PXT1: variants seen among roughly 807,000 people sequenced by gnomAD.
PXT1 encodes the protein peroxisomal testis enriched protein 1, also known as peroxisomal testis-specific protein 1.
Under a neutral mutation model 11.0 loss-of-function variants are expected in PXT1, and 11 were observed. The observed-to-expected ratio is 1.00, with a 90% CI of 0.63 to 1.66. PXT1 has a LOEUF of 1.66. PXT1 is among the 40% of genes most tolerant of loss of function. The pLI is 0.00. For missense variants in PXT1, 141 were observed against 155.5 expected, an observed-to-expected ratio of 0.91 and a Z score of 0.49; for synonymous variants, 43 against 51.4, an observed-to-expected ratio of 0.84 and a Z score of 0.70.
Position 36,391,689 on chromosome 6 carries a change from T to A in PXT1, c.*81A>T. ...AGAGGGAGACGGAGAAGGGTGTTCT[T>A]CCCATCTGTCCCAGTGGGATTCATG... On this transcript the variant is annotated 3_prime_UTR_variant, in exon 5 of 5. Transcript: ENST00000454782. The A allele has an allele frequency of 1.1e-6, 1 of 923,020 alleles. No individual in the cohort carries two copies. Among genetic ancestry groups the A allele is most frequent in the Non-Finnish European group, 1.8e-6 (1 of 557,470 alleles). 57.2% of individuals were successfully genotyped at this position (923,020 alleles called of 1,614,324 possible).
chr6:36,403,867 CAAAAT>C (rs1378884856), intron 3 of PXT1, among the ~76,000 whole-genome samples: 2 of 152,026 alleles, frequency 1.3e-5, no homozygotes, highest in Non-Finnish European at 2.9e-5. Flanking sequence ...GAACCTGTCT[CAAAAT>C]AAATAAATAA....
At chr6:36,442,068 C>CATATAT (rs113942991) in intron 1 of PXT1, among the ~76,000 whole-genome samples, 1 of 150,638 alleles carries the variant, frequency 6.6e-6, no homozygotes, top group Admixed American at 6.6e-5. Flanking sequence ...TATATATAGA[C>CATATAT]ATATATATAT....
chr6:36,438,334 T>C (rs372939274), intron 2 of PXT1, among the ~76,000 whole-genome samples: 1 of 152,260 alleles, frequency 6.6e-6, no homozygotes, highest in Non-Finnish European at 1.5e-5. Flanking sequence ...ATGGATATTT[T>C]ACTGACTTTG....
intron 4 of PXT1, 47 bp downstream of exon 4, chr6:36,400,407 C>T: frequency 6.2e-7 from 1 of 1,605,866 alleles, no homozygotes; most frequent in Non-Finnish European, 8.5e-7. Flanking sequence ...TTTGTTTGCT[C>T]TTTCCTCCTA....
intron 3 of PXT1, 117 bp from the exon 4 acceptor site, chr6:36,400,701 G>A (rs913337098): frequency 3.7e-6 from 4 of 1,088,398 alleles, no homozygotes; most frequent in Admixed American, 4.7e-5. Flanking sequence ...AGATGCAGTG[G>A]CTCACGCCTG....
At chr6:36,418,140 G>A (rs1327003760) in intron 3 of PXT1, among the ~76,000 whole-genome samples, 1 of 151,776 alleles carries the variant, frequency 6.6e-6, no homozygotes, top group East Asian at 1.9e-4. Context: ...AGGTTGCAGT[G>A]AGCTGAGATC....
intron 2 of PXT1, among the ~76,000 whole-genome samples, chr6:36,429,833 G>A (rs775136910): frequency 1.4e-5 from 2 of 140,670 alleles, no homozygotes; most frequent in Non-Finnish European, 3.0e-5. Flanking sequence ...ATATATTTAC[G>A]AAAGTTTTTA....
At chr6:36,431,976 C>T (rs746980378) in intron 2 of PXT1, among the ~76,000 whole-genome samples, 8 of 151,596 alleles carry the variant, frequency 5.3e-5, no homozygotes, top group African/African-American at 1.7e-4. Flanking sequence ...GAAGCTGAGG[C>T]GGGAGAATCG....
rs534114184 is a variant in PXT1 at position 36,402,851 on chromosome 6, C to T, written c.170-2267G>A. 3.9e-5 allele frequency among the ~76,000 whole-genome samples: 6 copies of T among 152,262 alleles called. No homozygotes were observed. In the East Asian group the frequency reaches 1.2e-3, roughly 29 times the overall value. On this transcript the variant is annotated intron_variant, in intron 3 of 4. Coordinates refer to ENST00000454782, the MANE Select transcript of PXT1 (RefSeq NM_152990.4). ...CCCGGAGGGGAGGTTTTTTAAACTC[C>T]CAATGCTCAGGCCTCTCTCCACTCC...
intron 2 of PXT1, among the ~76,000 whole-genome samples, chr6:36,430,748 C>T (rs560018703): frequency 2.0e-5 from 3 of 152,254 alleles, no homozygotes; most frequent in African/African-American, 4.8e-5. Context: ...TTATATACTA[C>T]GTTAATCTGA....
intron 3 of PXT1, among the ~76,000 whole-genome samples, chr6:36,415,044 T>C (rs1232120041): frequency 6.6e-6 from 1 of 152,182 alleles, no homozygotes; most frequent in African/African-American, 2.4e-5. Flanking sequence ...TTAACAATCT[T>C]TGGTCTGAAT....
At chr6:36,399,763 T>C (rs887662373) in intron 4 of PXT1, among the ~76,000 whole-genome samples, 5 of 152,172 alleles carry the variant, frequency 3.3e-5, no homozygotes, top group Non-Finnish European at 5.9e-5. Flanking sequence ...TAGCTGTGGA[T>C]TTCATCACCC....
Position 36,423,642 on chromosome 6 carries a change from TGCCCCCTCACACC to T in PXT1, c.169+2259_169+2271del, listed in dbSNP as rs1242777355. On this transcript the variant is annotated intron_variant, in intron 3 of 4. Coordinates refer to ENST00000454782, the MANE Select transcript of PXT1 (RefSeq NM_152990.4). Reference sequence around the variant, plus strand: ...TCTCGACGCCGTAATAACAAGTTCGTGCCCCCTCACACCGCCCCCTCATTCCGCACATCCCTCA... The same window carrying T: ...TCTCGACGCCGTAATAACAAGTTCGTGCCCCCTCATTCCGCACATCCCTCA... Among the ~76,000 whole-genome samples, 12 of 152,302 alleles carry T rather than the reference TGCCCCCTCACACC, an allele frequency of 7.9e-5. No homozygotes were observed. In the East Asian group the frequency reaches 9.7e-4, roughly 12 times the overall value.
intron 3 of PXT1, among the ~76,000 whole-genome samples, chr6:36,408,534 CA>C (rs1205441009): frequency 1.3e-5 from 2 of 151,464 alleles, no homozygotes; most frequent in African/African-American, 4.9e-5. Context: ...ACTGAGATTA[CA>C]GGAGTGAGCC....
At chr6:36,399,076 T>C (rs946420334) in intron 4 of PXT1, among the ~76,000 whole-genome samples, 10 of 152,200 alleles carry the variant, frequency 6.6e-5, no homozygotes, top group African/African-American at 2.4e-4. Context: ...TGATTGCCTA[T>C]GTTCTCTATG....
At chr6:36,423,101 T>C (rs1432995875) in intron 3 of PXT1, among the ~76,000 whole-genome samples, 1 of 152,216 alleles carries the variant, frequency 6.6e-6, no homozygotes, top group Non-Finnish European at 1.5e-5. Flanking sequence ...TGTTTGTATG[T>C]GTAGAGCGCC....
chr6:36,409,901 G>A (rs1774342672), intron 3 of PXT1, among the ~76,000 whole-genome samples: 1 of 140,382 alleles, frequency 7.1e-6, no homozygotes, highest in African/African-American at 2.7e-5. Flanking sequence ...AAGGAAAGAA[G>A]GAAGGAAGGA....
At chr6:36,429,132 T>G (rs1742757) in intron 2 of PXT1, among the ~76,000 whole-genome samples, 62,129 of 145,566 alleles carry the variant, frequency 0.43, 14,684 homozygotes, top group African/African-American at 0.61. Flanking sequence ...GCCTAGTGGT[T>G]GCGCACACCT....
At chr6:36,426,345 C>G (rs1358602132) in intron 2 of PXT1, among the ~76,000 whole-genome samples, 1 of 140,100 alleles carries the variant, frequency 7.1e-6, no homozygotes, top group Non-Finnish European at 1.5e-5. Context: ...TCTTTCTTCT[C>G]TCTCTCTCGC....
Sources: gnomAD v4.1 joint callset for allele counts (sites outside exome capture counted in the v4.1 genomes callset) on GRCh38, gnomAD v4.1.1 for gene constraint, MANE v1.5 for transcripts, NCBI Gene and HGNC (gene_info 2026-07-23, HGNC 2026-07-21) for gene names.